XKR3: variants seen among roughly 807,000 people sequenced by gnomAD.
XKR3 encodes the protein XK-related protein 3.
Under a neutral mutation model 40.3 loss-of-function variants are expected in XKR3, and 27 were observed. That is an observed-to-expected ratio of 0.67 (90% confidence interval 0.49 to 0.92). The LOEUF is 0.92. Among genes scored for constraint, XKR3 ranks in the 40% least tolerant of loss-of-function variants. The pLI, the probability that XKR3 is intolerant of heterozygous loss-of-function variation, is 0.00. For synonymous variants in XKR3, 193 were observed against 195.4 expected (o/e 0.99, Z 0.10); for missense variants, 472 against 537.6 (o/e 0.88, Z 1.21).
At chr22:16,809,657 C>T (rs897082440) in intron 1 of XKR3, among the ~76,000 whole-genome samples, 4 of 152,216 alleles carry the variant, frequency 2.6e-5, no homozygotes, top group Admixed American at 2.6e-4. Flanking sequence ...CTCATTTGAA[C>T]ATTCCACTTA....
intron 2 of XKR3, among the ~76,000 whole-genome samples, chr22:16,805,105 T>A: frequency 6.6e-6 from 1 of 152,148 alleles, no homozygotes; most frequent in East Asian, 1.9e-4. Context: ...CCAGGTAAGA[T>A]GTGAAAGGCA....
At chr22:16,820,411 G>C (rs1413731413) in intron 1 of XKR3, among the ~76,000 whole-genome samples, 1 of 152,158 alleles carries the variant, frequency 6.6e-6, no homozygotes, top group African/African-American at 2.4e-5. Flanking sequence ...GCCACACTAT[G>C]CAACACAGGG....
intron 1 of XKR3, among the ~76,000 whole-genome samples, chr22:16,821,007 C>T (rs375876760): frequency 6.6e-6 from 1 of 152,018 alleles, no homozygotes; most frequent in African/African-American, 2.4e-5. Flanking sequence ...ATGACTAAGA[C>T]AAACAAGATA....
At chr22:16,808,757 C>T (rs1358218398) in intron 1 of XKR3, among the ~76,000 whole-genome samples, 1 of 151,970 alleles carries the variant, frequency 6.6e-6, no homozygotes, top group Admixed American at 6.6e-5. Context: ...GACAAACCGC[C>T]AGAAAAATTA....
rs141561342 is a variant in XKR3, at chr22:16,800,051, T to C, written c.336-27A>G. 4.9e-5 allele frequency: 79 copies of C among 1,603,866 alleles called. 1 individual carries two copies. In the East Asian group the frequency reaches 1.7e-3, roughly 35 times the overall value. On this transcript the variant is annotated intron_variant, in intron 2 of 3. Transcript: ENST00000684488. ...TGTTAACATGAAGTAACATCCAAGA[T>C]TAACATTTATTGGTGACAGACATCT...
At chr22:16,813,283 CA>C (rs199779605) in intron 1 of XKR3, among the ~76,000 whole-genome samples, 5 of 144,056 alleles carry the variant, frequency 3.5e-5, no homozygotes, top group East Asian at 2.0e-4. Context: ...GACTCTGGCT[CA>C]AAAAAAACAA....
intron 3 of XKR3, among the ~76,000 whole-genome samples, chr22:16,789,717 G>A (rs2060105832): frequency 1.3e-5 from 2 of 152,216 alleles, no homozygotes; most frequent in South Asian, 4.1e-4. Flanking sequence ...AATAGCCAAA[G>A]CAATCCTGAA....
intron 1 of XKR3, among the ~76,000 whole-genome samples, chr22:16,817,857 T>C (rs1242263370): frequency 2.0e-5 from 3 of 152,188 alleles, no homozygotes; most frequent in African/African-American, 4.8e-5. Flanking sequence ...GTGCTTGATT[T>C]CAATTGAATT....
chr22:16,790,575 G>A (rs1258252137), intron 3 of XKR3, among the ~76,000 whole-genome samples: 10 of 152,160 alleles, frequency 6.6e-5, no homozygotes, highest in Admixed American at 1.3e-4. Context: ...GGAGGAAGGA[G>A]AACATCAGTG....
In XKR3 at chr22:16,800,057, T is replaced by C. The variant is rs181203356; in HGVS notation, c.336-33A>G. 141 of 1,599,122 alleles carry C rather than the reference T, an allele frequency of 8.8e-5. 1 individual carries two copies. In the East Asian group the frequency reaches 3.0e-3, roughly 35 times the overall value. ...CATGAAGTAACATCCAAGATTAACA[T>C]TTATTGGTGACAGACATCTAGAAAT... On this transcript the variant is annotated intron_variant, in intron 2 of 3. Transcript: ENST00000684488.
At chr22:16,793,218 G>A (rs1229340874) in intron 3 of XKR3, among the ~76,000 whole-genome samples, 3 of 152,146 alleles carry the variant, frequency 2.0e-5, no homozygotes, top group Non-Finnish European at 2.9e-5. Flanking sequence ...CTCCATGTTG[G>A]CCAGGCTGGT....
intron 3 of XKR3, among the ~76,000 whole-genome samples, chr22:16,797,519 G>A (rs1334586660): frequency 3.3e-5 from 5 of 152,146 alleles, no homozygotes; most frequent in South Asian, 4.1e-4. Context: ...GTGGCCAGGC[G>A]CAGTGGCTCG....
At chr22:16,801,049 A>AATATATGATGGAG (rs889162254) in intron 2 of XKR3, among the ~76,000 whole-genome samples, 2 of 152,168 alleles carry the variant, frequency 1.3e-5, no homozygotes, top group African/African-American at 4.8e-5. Context: ...AGGAGCATCT[A>AATATATGATGGAG]ATATATGATG....
intron 1 of XKR3, among the ~76,000 whole-genome samples, chr22:16,813,281 C>A (rs1166761619): frequency 6.6e-6 from 1 of 150,450 alleles, no homozygotes; most frequent in Non-Finnish European, 1.5e-5. Context: ...AAGACTCTGG[C>A]TCAAAAAAAA....
intron 2 of XKR3, among the ~76,000 whole-genome samples, chr22:16,801,741 TA>T (rs1183172510): frequency 6.6e-5 from 10 of 150,952 alleles, no homozygotes; most frequent in African/African-American, 2.4e-4. Context: ...TGTGCTTTTA[TA>T]AAATCAGAAG....
At chr22:16,808,471 A>C (rs1208281272) in intron 1 of XKR3, among the ~76,000 whole-genome samples, 1 of 152,166 alleles carries the variant, frequency 6.6e-6, no homozygotes, top group Non-Finnish European at 1.5e-5. Flanking sequence ...GGCACAATCT[A>C]AGCCAAGTCT....
At chr22:16,812,018 A>AACAAACAAAAAACAAC (rs1366065711) in intron 1 of XKR3, among the ~76,000 whole-genome samples, 1 of 152,152 alleles carries the variant, frequency 6.6e-6, no homozygotes, top group Non-Finnish European at 1.5e-5. Flanking sequence ...CAAAAAACAA[A>AACAAACAAAAAACAAC]ACAAACAAAA....
intron 1 of XKR3, among the ~76,000 whole-genome samples, chr22:16,822,312 C>T (rs1321100093): frequency 6.6e-6 from 1 of 151,626 alleles, no homozygotes; most frequent in Non-Finnish European, 1.5e-5. Context: ...TTGAGATGTA[C>T]ACTACAAACC....
intron 2 of XKR3, among the ~76,000 whole-genome samples, chr22:16,806,102 T>C (rs2060188111): frequency 1.3e-5 from 2 of 151,900 alleles, no homozygotes; most frequent in African/African-American, 2.4e-5. Flanking sequence ...CTAATAAAAG[T>C]ATAAAAGTCA....
Sources: gnomAD v4.1 joint callset for allele counts (sites outside exome capture counted in the v4.1 genomes callset) on GRCh38, gnomAD v4.1.1 for gene constraint, MANE v1.5 for transcripts, NCBI Gene and HGNC (gene_info 2026-07-23, HGNC 2026-07-21) for gene names.